The following FOXP1 variants were observed in gnomAD, a reference collection of about 807,000 sequenced individuals.
FOXP1 encodes the protein forkhead box P1, also known as forkhead box protein P1.
Under a neutral mutation model 98.2 loss-of-function variants are expected in FOXP1, and 15 were observed. That is an observed-to-expected ratio of 0.15 (90% CI 0.10 to 0.24). The LOEUF is 0.24. Ranked by LOEUF, FOXP1 falls within the 10% of genes least tolerant of loss-of-function variation. FOXP1 has a pLI of 1.00. For missense variants in FOXP1, 633 were observed against 848.5 expected, an observed-to-expected ratio of 0.75 and a Z score of 3.15; for synonymous variants, 371 against 314.5, an observed-to-expected ratio of 1.18 and a Z score of -1.90.
intron 6 of FOXP1, among the ~76,000 whole-genome samples, chr3:71,122,998 A>G (rs2058889964): frequency 6.6e-6 from 1 of 151,922 alleles, no homozygotes; most frequent in Non-Finnish European, 1.5e-5. Flanking sequence ...TTCTAACTTT[A>G]ATCTCCCTTC....
intron 3 of FOXP1, among the ~76,000 whole-genome samples, chr3:71,411,496 C>T (rs964144791): frequency 2.0e-5 from 3 of 152,104 alleles, no homozygotes; most frequent in Admixed American, 6.5e-5. Context: ...CTAATTTTTT[C>T]TATTTTTAGT....
At chr3:71,137,077 A>G (rs927051065) in intron 6 of FOXP1, among the ~76,000 whole-genome samples, 2 of 152,222 alleles carry the variant, frequency 1.3e-5, no homozygotes, top group Admixed American at 1.3e-4. Flanking sequence ...AGGGATGGAA[A>G]GAGAAGGCAA....
intron 7 of FOXP1, among the ~76,000 whole-genome samples, chr3:71,063,700 A>T (rs1235027017): frequency 2.0e-5 from 3 of 152,118 alleles, no homozygotes; most frequent in Non-Finnish European, 4.4e-5. Flanking sequence ...TTTTTCCCCC[A>T]CATGTGTCAC....
At chr3:71,062,723 C>T (rs1056037492) in intron 7 of FOXP1, among the ~76,000 whole-genome samples, 3 of 152,156 alleles carry the variant, frequency 2.0e-5, no homozygotes, top group African/African-American at 7.2e-5. Flanking sequence ...ACCAACTTTT[C>T]GTCAGACAAG....
intron 3 of FOXP1, among the ~76,000 whole-genome samples, chr3:71,419,437 C>A (rs11714097): frequency 0.6 from 90,006 of 150,896 alleles, 29,074 homozygotes; most frequent in Non-Finnish European, 0.74. Flanking sequence ...AGAAGAACTA[C>A]AAAGAAAAAA....
At chr3:71,204,673 A>T (rs2063903883) in intron 5 of FOXP1, among the ~76,000 whole-genome samples, 1 of 152,218 alleles carries the variant, frequency 6.6e-6, no homozygotes. Flanking sequence ...CTTAGTGGTT[A>T]AGGAAGCAGA....
At chr3:70,992,095 T>C (rs1189809326) in intron 13 of FOXP1, among the ~76,000 whole-genome samples, 1 of 152,176 alleles carries the variant, frequency 6.6e-6, no homozygotes, top group Non-Finnish European at 1.5e-5. Flanking sequence ...AATGATGATC[T>C]CCAAGTGAAA....
intron 5 of FOXP1, among the ~76,000 whole-genome samples, chr3:71,210,188 C>A (rs1408101676): frequency 1.3e-5 from 2 of 152,192 alleles, no homozygotes; most frequent in Non-Finnish European, 2.9e-5. Flanking sequence ...CAGATATCCC[C>A]CTCCGGAGTT....
chr3:71,038,611 T>C (rs1029044044), intron 11 of FOXP1, among the ~76,000 whole-genome samples: 1 of 152,116 alleles, frequency 6.6e-6, no homozygotes, highest in African/African-American at 2.4e-5. Context: ...TGCTACATAA[T>C]ATGCATTTGA....
At chr3:71,564,951 T>C (rs1578199428) in intron 2 of FOXP1, among the ~76,000 whole-genome samples, 1 of 152,018 alleles carries the variant, frequency 6.6e-6, no homozygotes, top group African/African-American at 2.4e-5. Flanking sequence ...TCCGTCTCTA[T>C]TAAAAATACA....
chr3:71,169,354 C>A (rs973163118), intron 6 of FOXP1, among the ~76,000 whole-genome samples: 1 of 152,156 alleles, frequency 6.6e-6, no homozygotes, highest in Non-Finnish European at 1.5e-5. Context: ...CAGATGTCAT[C>A]CAAGCCTAAT....
chr3:71,126,855 G>A (rs201756418), intron 6 of FOXP1, among the ~76,000 whole-genome samples: 301 of 103,498 alleles, frequency 2.9e-3, no homozygotes, highest in East Asian at 5.9e-3. Context: ...AAACCAAAAA[G>A]AAAAAAAAAA....
intron 6 of FOXP1, among the ~76,000 whole-genome samples, chr3:71,188,419 C>CT (rs1218204951): frequency 9.1e-4 from 129 of 142,162 alleles, no homozygotes; most frequent in Middle Eastern, 3.7e-3. Flanking sequence ...TTTTTTTTTC[C>CT]TTTTTTTTTT....
chr3:70,973,053 G>C (rs779407548), intron 17 of FOXP1, among the ~76,000 whole-genome samples: 30 of 152,084 alleles, frequency 2.0e-4, no homozygotes, highest in Non-Finnish European at 3.1e-4. Context: ...CCATAAAAAG[G>C]GGGTATTTTT....
At chr3:71,352,258 G>C (rs1289657829) in intron 4 of FOXP1, among the ~76,000 whole-genome samples, 7 of 152,060 alleles carry the variant, frequency 4.6e-5, no homozygotes, top group Admixed American at 2.0e-4. Flanking sequence ...CTGAGGTCAG[G>C]AGTTCGAGAC....
intron 5 of FOXP1, among the ~76,000 whole-genome samples, chr3:71,234,810 G>A (rs1372619012): frequency 1.3e-5 from 2 of 152,222 alleles, no homozygotes; most frequent in Non-Finnish European, 2.9e-5. Context: ...CCAGGAGCCA[G>A]TGGCCCAGAG....
intron 7 of FOXP1, among the ~76,000 whole-genome samples, chr3:71,109,016 TAAAAAAA>T (rs1168333973): frequency 6.6e-6 from 1 of 152,210 alleles, no homozygotes; most frequent in African/African-American, 2.4e-5. Flanking sequence ...GTATCATTCA[TAAAAAAA>T]TTTGCGAAGC....
intron 14 of FOXP1, among the ~76,000 whole-genome samples, chr3:70,984,680 T>A (rs931631170): frequency 6.6e-6 from 1 of 152,124 alleles, no homozygotes; most frequent in Admixed American, 6.5e-5. Flanking sequence ...TTTGGTTTTG[T>A]TCTGAAAGGA....
chr3:70,971,664 T>G (rs2036276864), intron 18 of FOXP1: 2 of 186,782 alleles, frequency 1.1e-5, no homozygotes, highest in African/African-American at 4.7e-5. Context: ...TCTACCCCAA[T>G]AGTATATACA....
Sources: allele counts gnomAD v4.1 joint callset (sites outside exome capture counted in the v4.1 genomes callset), GRCh38; gene constraint gnomAD v4.1.1; transcripts MANE v1.5; gene names NCBI Gene and HGNC (gene_info 2026-07-23, HGNC 2026-07-21).